CNGB1: variants seen among roughly 807,000 people sequenced by gnomAD.
CNGB1 encodes cyclic nucleotide-gated channel beta-1.
In CNGB1, 126 loss-of-function variants were observed where a neutral mutation model predicts 151.7. The observed-to-expected ratio is 0.83, with a 90% CI of 0.72 to 0.96. The LOEUF (loss-of-function observed/expected upper bound fraction) is 0.96, where lower values mean the gene tolerates loss of function less well. CNGB1 is among the 40% of genes least tolerant of loss of function. The probability of loss-of-function intolerance (pLI) is 0.00; values close to 1 mark genes in which losing one functional copy is unlikely to be tolerated. For synonymous variants in CNGB1, 623 were observed against 635.1 expected (o/e 0.98, Z 0.29); for missense variants, 1,698 against 1,627.0 (o/e 1.04, Z -0.75).
At chr16:57,905,188 C>T (rs1219339941) in intron 25 of CNGB1, among the ~76,000 whole-genome samples, 1 of 152,218 alleles carries the variant, frequency 6.6e-6, no homozygotes, top group African/African-American at 2.4e-5. Context: ...GGTCTTCCAA[C>T]TCCTAATGAC....
At position 57,884,407 on chromosome 16, in the gene CNGB1, G is replaced by A. The variant is rs781217584; in HGVS notation, c.3513C>T (p.Asp1171=). ...CGGCCTCCTTTGGGTGCGTGTGCTG[G>A]TCTGGGGCGGCGGAGCCTTCCTCTC... ...VKGEEGSAAP[D]QHTHPKEAAT... The change falls in exon 33 of 33, where the codon GAC becomes GAT. Residue 1171 remains aspartate (D), a synonymous_variant. Coordinates refer to ENST00000251102, the MANE Select transcript of CNGB1 (RefSeq NM_001297.5). The A allele has an allele frequency of 1.4e-5, 23 of 1,613,596 alleles. No individual in the cohort carries two copies. Among genetic ancestry groups the A allele is most frequent in the Non-Finnish European group, 1.9e-5 (23 of 1,179,900 alleles).
intron 25 of CNGB1, among the ~76,000 whole-genome samples, chr16:57,906,602 G>A (rs1960557944): frequency 6.6e-6 from 1 of 152,212 alleles, no homozygotes; most frequent in African/African-American, 2.4e-5. Flanking sequence ...GGCCTGTCAA[G>A]CCCCCGTCAT....
At chr16:57,909,020 C>A (rs1211505920) in intron 25 of CNGB1, among the ~76,000 whole-genome samples, 1 of 152,204 alleles carries the variant, frequency 6.6e-6, no homozygotes, top group Non-Finnish European at 1.5e-5. Flanking sequence ...GTAACTCTAG[C>A]ACTTTGGGAG....
intron 25 of CNGB1, 123 bp downstream of exon 25, chr16:57,911,630 A>C: frequency 7.4e-7 from 1 of 1,358,998 alleles, no homozygotes; most frequent in Non-Finnish European, 1.0e-6. Flanking sequence ...GTGATTGCTT[A>C]GGAGCAAAGT....
chr16:57,887,733 T>G, intron 32 of CNGB1, 122 bp downstream of exon 32: 1 of 959,106 alleles, frequency 1.0e-6, no homozygotes, highest in Non-Finnish European at 1.7e-6. Flanking sequence ...GAGCCCTGAC[T>G]GATAGAAAAA....
chr16:57,945,989 G>A (rs1181404568), intron 14 of CNGB1, among the ~76,000 whole-genome samples: 5 of 152,192 alleles, frequency 3.3e-5, no homozygotes, highest in African/African-American at 1.2e-4. Flanking sequence ...CATCACCGGG[G>A]GCTGTCTAGG....
At chr16:57,970,345 C>T (rs1477126031) in intron 1 of CNGB1, among the ~76,000 whole-genome samples, 3 of 152,180 alleles carry the variant, frequency 2.0e-5, no homozygotes, top group Non-Finnish European at 4.4e-5. Context: ...CATGATCATA[C>T]TCATCCTCGC....
chr16:57,891,553 A>G (rs1473350016), intron 31 of CNGB1, among the ~76,000 whole-genome samples: 2 of 152,160 alleles, frequency 1.3e-5, no homozygotes, highest in African/African-American at 2.4e-5. Flanking sequence ...CTTTTTAAAG[A>G]CATTATTATT....
At chr16:57,943,620 A>C (rs1486144455) in intron 14 of CNGB1, among the ~76,000 whole-genome samples, 1 of 152,086 alleles carries the variant, frequency 6.6e-6, no homozygotes, top group African/African-American at 2.4e-5. Context: ...CAGTGAACTG[A>C]GATTGCACCA....
intron 32 of CNGB1, 139 bp from the exon 33 acceptor site, chr16:57,884,596 G>A: frequency 1.1e-6 from 1 of 876,656 alleles, no homozygotes; most frequent in Non-Finnish European, 1.8e-6. Context: ...TCTAGTGGGT[G>A]GGGTGGAGCC....
At chr16:57,901,996 C>G (rs190306731) in intron 27 of CNGB1, among the ~76,000 whole-genome samples, 1 of 152,324 alleles carries the variant, frequency 6.6e-6, no homozygotes, top group Non-Finnish European at 1.5e-5. Flanking sequence ...ACAACATCAG[C>G]AAGAACTAAA....
At chr16:57,943,213 A>G (rs1961715450) in intron 14 of CNGB1, among the ~76,000 whole-genome samples, 2 of 152,234 alleles carry the variant, frequency 1.3e-5, no homozygotes, top group South Asian at 4.1e-4. Context: ...ATTTTAAAAA[A>G]TGGGCAAAGA....
In CNGB1 at chr16:57,957,224, C is replaced by T. The variant is rs375125186; in HGVS notation, c.874+117G>A. The T allele has an allele frequency of 1.1e-5, 11 of 968,716 alleles. 1 individual carries two copies. The South Asian group carries it at 1.3e-4, about 11-fold the overall frequency. The allele number at this position is 968,716 out of a possible 1,614,324, so 60.0% of individuals were successfully genotyped here. A position where few individuals can be genotyped will look rare whatever the true frequency, so the allele number is the denominator to read the frequency against. ...CAGCCCAGGAGACCCTAACTGCCCC[C>T]CTGTGTGAGTCCAGGTCTGGCCAGG... On this transcript the variant is annotated intron_variant, in intron 12 of 32. Transcript: ENST00000251102.
At chr16:57,957,753 GC>G (rs1297262654) in intron 11 of CNGB1, among the ~76,000 whole-genome samples, 2 of 152,194 alleles carry the variant, frequency 1.3e-5, no homozygotes, top group Non-Finnish European at 2.9e-5. Context: ...CATTCTCACA[GC>G]CCTGGGTATG....
At position 57,903,898 on chromosome 16, in the gene CNGB1, G is replaced by A. The variant is rs768713822; in HGVS notation, c.2718C>T (p.Phe906=). 3.1e-6 allele frequency: 5 copies of A among 1,614,210 alleles called. No homozygotes were observed. The highest frequency in any genetic ancestry group is 2.2e-5 in the South Asian group (2 of 91,084). The change falls in exon 27 of 33, where the codon TTC becomes TTT. Residue 906 remains phenylalanine, a synonymous_variant. Coordinates refer to ENST00000251102, the MANE Select transcript of CNGB1 (RefSeq NM_001297.5). ...CMDSTVKYMN[F]YKIPKSVQNR... ...TCTGCACGGACTTGGGGATCTTGTA[G>A]AAATTCATGTACTTCACCGTGCTGT...
chr16:57,950,407 C>A lies in CNGB1; in HGVS notation c.1008G>T (p.Glu336Asp), dbSNP rs759222148. Residue 336 changes from glutamate to aspartate, a missense_variant, in exon 13 of 33, where the codon GAG becomes GAT. By Grantham distance (45) the Glu-to-Asp change is conservative. Coordinates refer to ENST00000251102, the MANE Select transcript of CNGB1 (RefSeq NM_001297.5). ...GTEVVPAYEE[E>D]NKAVEKMPRE... Reference sequence around the variant, plus strand: ...TGGGCATCTTCTCCACAGCTTTGTTCTCTTCTTCATAAGCTGGAACCACCT... The same window carrying A: ...TGGGCATCTTCTCCACAGCTTTGTTATCTTCTTCATAAGCTGGAACCACCT... 8.1e-6 allele frequency: 13 copies of A among 1,614,130 alleles called. No homozygotes were observed. The highest frequency in any genetic ancestry group is 3.4e-6 in the Non-Finnish European group (4 of 1,180,048).
At chr16:57,928,206 C>G (rs937718428) in intron 17 of CNGB1, among the ~76,000 whole-genome samples, 2 of 152,236 alleles carry the variant, frequency 1.3e-5, no homozygotes, top group Non-Finnish European at 2.9e-5. Context: ...TGTCCAAAAG[C>G]AGCTCTAACC....
intron 31 of CNGB1, among the ~76,000 whole-genome samples, chr16:57,896,822 G>C (rs1008781320): frequency 6.6e-6 from 1 of 151,950 alleles, no homozygotes; most frequent in Admixed American, 6.6e-5. Context: ...AAAAGCCTGA[G>C]GAACTATCCC....
intron 14 of CNGB1, among the ~76,000 whole-genome samples, chr16:57,944,712 C>A (rs917037142): frequency 1.3e-5 from 2 of 151,576 alleles, no homozygotes; most frequent in African/African-American, 4.8e-5. Flanking sequence ...CCCAGCACTT[C>A]GGGAGGTCGA....
Sources: allele counts gnomAD v4.1 joint callset (sites outside exome capture counted in the v4.1 genomes callset), GRCh38; gene constraint gnomAD v4.1.1; transcripts MANE v1.5; gene names NCBI Gene and HGNC (gene_info 2026-07-23, HGNC 2026-07-21).